Variants in TMEM185B observed in about 807,000 individuals in gnomAD.
TMEM185B encodes the protein ee3_2.
Under a neutral mutation model 26.2 loss-of-function variants are expected in TMEM185B, and 9 were observed. The ratio of observed to expected loss-of-function variants is 0.34; its 90% CI spans 0.21 to 0.60. The LOEUF is 0.60. Among genes scored for constraint, TMEM185B ranks in the 20% least tolerant of loss-of-function variants. The probability of loss-of-function intolerance (pLI) is 0.80; values close to 1 mark genes in which losing one functional copy is unlikely to be tolerated. For missense variants in TMEM185B, 392 were observed against 447.9 expected, an observed-to-expected ratio of 0.88 and a Z score of 1.13; for synonymous variants, 204 against 191.8, an observed-to-expected ratio of 1.06 and a Z score of -0.52.
In TMEM185B at chr2:120,221,756, C is replaced by T. The variant is rs1258271320; in HGVS notation, c.*168G>A. ...TTACCCAGGTACACATCACACACAC[C>T]CACATACTGAAACCACCTCCATCTA... On this transcript the variant is annotated 3_prime_UTR_variant, in exon 1 of 1. Transcript: ENST00000426077. 2 of 638,634 alleles carry T rather than the reference C, an allele frequency of 3.1e-6. No homozygotes were observed. The highest frequency in any genetic ancestry group is 6.1e-5 in the Admixed American group (2 of 32,568). 39.6% of individuals were successfully genotyped at this position (638,634 alleles called of 1,614,324 possible).
In TMEM185B at chr2:120,221,707, G is replaced by C. The variant is rs1402035717; in HGVS notation, c.*217C>G. The stretch of plus-strand genomic sequence containing the variant: ...TTACTGCCCCCAGCTACACCTGAAA[G>C]TGCGAACCTGGAAAGCAAGTCTCTT... On this transcript the variant is annotated 3_prime_UTR_variant, in exon 1 of 1. Coordinates refer to ENST00000426077, the MANE Select transcript of TMEM185B (RefSeq NM_024121.3). 3.6e-6 allele frequency: 2 copies of C among 550,504 alleles called. No homozygotes were observed. Among genetic ancestry groups the C allele is most frequent in the African/African-American group, 1.9e-5 (1 of 52,860 alleles). 34.1% of individuals were successfully genotyped at this position (550,504 alleles called of 1,614,324 possible).
At position 120,220,597 on chromosome 2, in the gene TMEM185B, G is replaced by A. The variant is rs1319755501; in HGVS notation, c.*1327C>T. Among the ~76,000 whole-genome samples the A allele has an allele frequency of 6.6e-6, 1 of 152,200 alleles. No homozygotes were observed. The highest frequency in any genetic ancestry group is 3.2e-3 in the Middle Eastern group (1 of 316). On this transcript the variant is annotated 3_prime_UTR_variant, in exon 1 of 1. Transcript: ENST00000426077. ...AATACGAAATTAGCCAGGCGTGGTGGTGCATGCCTGTAATCCCAGCTACTC... is the reference window on the plus strand; with the variant it reads ...AATACGAAATTAGCCAGGCGTGGTGATGCATGCCTGTAATCCCAGCTACTC...
chr2:120,223,033 C>T lies in TMEM185B; in HGVS notation c.-57G>A. ...GCTCCCTCGCGACGCTCGGCGCTCG[C>T]GTCTCCGCGGCTTCTCCGGCCGCCG... On this transcript the variant is annotated 5_prime_UTR_variant, in exon 1 of 1. Transcript: ENST00000426077. 7.8e-7 allele frequency: 1 copy of T among 1,276,336 alleles called. No homozygotes were observed. The highest frequency in any genetic ancestry group is 1.6e-5 in the African/African-American group (1 of 64,364). 79.1% of individuals were successfully genotyped at this position (1,276,336 alleles called of 1,614,324 possible). A position where few individuals can be genotyped will look rare whatever the true frequency, so the allele number is the denominator to read the frequency against.
Position 120,218,111 on chromosome 2 carries a change from T to A in TMEM185B, c.*3813A>T, listed in dbSNP as rs1688530776. Among the ~76,000 whole-genome samples the A allele has an allele frequency of 6.6e-6, 1 of 152,218 alleles. No homozygotes were observed. Among genetic ancestry groups the A allele is most frequent in the Non-Finnish European group, 1.5e-5 (1 of 68,038 alleles). ...TGGGAAAATCTTTTATCGAGTGAGT[T>A]CTGGCAGAGTCCTGCCCCCTCCTCC... is the stretch of plus-strand genomic sequence containing the variant. On this transcript the variant is annotated 3_prime_UTR_variant, in exon 1 of 1. Coordinates refer to ENST00000426077, the MANE Select transcript of TMEM185B (RefSeq NM_024121.3).
At position 120,222,318 on chromosome 2, in the gene TMEM185B, A is replaced by G. The variant is rs1490672742; in HGVS notation, c.659T>C (p.Ile220Thr). Residue 220 changes from isoleucine to threonine, a missense_variant, in exon 1 of 1, where the codon ATT becomes ACT. Physicochemically the swap from Ile to Thr is moderately conservative, Grantham distance 89. Around this residue, in one of 3 missense-constraint regions of TMEM185B, gnomAD observed 176 missense variants for 201.6 expected, o/e 0.87. Coordinates refer to ENST00000426077, the MANE Select transcript of TMEM185B (RefSeq NM_024121.3). ...CTCAAAAGTGAGCAGAGGCACGACA[A>G]TCGTTATCCAACTGATAGCCATGGT... is the stretch of plus-strand genomic sequence containing the variant. ...HVTMAISWIT[I>T]VVPLLTFEVL... 6 of 1,536,176 alleles carry G rather than the reference A, an allele frequency of 3.9e-6. No homozygotes were observed. Among genetic ancestry groups the G allele is most frequent in the Non-Finnish European group, 5.2e-6 (6 of 1,146,924 alleles).
chr2:120,218,612 C>T lies in TMEM185B; in HGVS notation c.*3312G>A, dbSNP rs1688536956. On this transcript the variant is annotated 3_prime_UTR_variant, in exon 1 of 1. Coordinates refer to ENST00000426077, the MANE Select transcript of TMEM185B (RefSeq NM_024121.3). ...CGCCTTTCCAAAGCGCCTTGCATAGCCCTCCGGAGAAACTTTGGATTCCAG... is the reference window on the plus strand; with the variant it reads ...CGCCTTTCCAAAGCGCCTTGCATAGTCCTCCGGAGAAACTTTGGATTCCAG... Among the ~76,000 whole-genome samples the T allele has an allele frequency of 6.6e-6, 1 of 152,230 alleles. No individual in the cohort carries two copies. Among genetic ancestry groups the T allele is most frequent in the South Asian group, 2.1e-4 (1 of 4,834 alleles).
rs552728441 is a variant in TMEM185B at position 120,217,538 on chromosome 2, TA to T, written c.*4385del. 2.1e-3 allele frequency among the ~76,000 whole-genome samples: 313 copies of T among 152,332 alleles called. 1 individual carries two copies. The highest frequency in any genetic ancestry group is 6.5e-3 in the African/African-American group (271 of 41,578). ...ACTATACATCCATTACATGTTACCT[TA>T]AAAAAATTTTTAAACCTATATTTTC... On this transcript the variant is annotated 3_prime_UTR_variant, in exon 1 of 1. Coordinates refer to ENST00000426077, the MANE Select transcript of TMEM185B (RefSeq NM_024121.3).
In TMEM185B at chr2:120,218,930, G is replaced by A. The variant is rs368523224; in HGVS notation, c.*2994C>T. On this transcript the variant is annotated 3_prime_UTR_variant, in exon 1 of 1. Coordinates refer to ENST00000426077, the MANE Select transcript of TMEM185B (RefSeq NM_024121.3). ...TGGCCATGCACTGCCTCACCCCACA[G>A]AGGTCAGGCATGGCCATGTGTTGTG... 5.6e-4 allele frequency among the ~76,000 whole-genome samples: 86 copies of A among 152,350 alleles called. No individual in the cohort carries two copies. Among genetic ancestry groups the A allele is most frequent in the African/African-American group, 2.0e-3 (82 of 41,582 alleles).
rs1688589277 is a variant in TMEM185B, at chr2:120,221,723, C to T, written c.*201G>A. On this transcript the variant is annotated 3_prime_UTR_variant, in exon 1 of 1. Transcript: ENST00000426077. The stretch of plus-strand genomic sequence containing the variant: ...CACCTGAAAGTGCGAACCTGGAAAG[C>T]AAGTCTCTTACCCAGGTACACATCA... The T allele has an allele frequency of 1.8e-6, 1 of 561,488 alleles. No individual in the cohort carries two copies. Among genetic ancestry groups the T allele is most frequent in the Non-Finnish European group, 3.1e-6 (1 of 323,066 alleles). 34.8% of individuals were successfully genotyped at this position (561,488 alleles called of 1,614,324 possible). A position where few individuals can be genotyped will look rare whatever the true frequency, so the allele number is the denominator to read the frequency against.
rs1290424729 is a variant in TMEM185B at position 120,221,837 on chromosome 2, G to C, written c.*87C>G. ...ACACGGCGTGAGACGAGTGTTTGAA[G>C]CCTGTTTCCATTTCCAGGTTTGGGA... is the stretch of plus-strand genomic sequence containing the variant. On this transcript the variant is annotated 3_prime_UTR_variant, in exon 1 of 1. Coordinates refer to ENST00000426077, the MANE Select transcript of TMEM185B (RefSeq NM_024121.3). 9.1e-7 allele frequency: 1 copy of C among 1,103,622 alleles called. No individual in the cohort carries two copies. The highest frequency in any genetic ancestry group is 1.6e-5 in the African/African-American group (1 of 63,020). 68.4% of individuals were successfully genotyped at this position (1,103,622 alleles called of 1,614,324 possible).
rs546879105 is a variant in TMEM185B at position 120,222,692 on chromosome 2, G to A, written c.285C>T (p.Leu95=). The A allele has an allele frequency of 2.5e-5, 39 of 1,536,578 alleles. No individual in the cohort carries two copies. In the African/African-American group the frequency reaches 3.3e-4, roughly 13 times the overall value. The change falls in exon 1 of 1, where the codon CTC becomes CTT. Residue 95 remains leucine, a synonymous_variant. Coordinates refer to ENST00000426077, the MANE Select transcript of TMEM185B (RefSeq NM_024121.3). ...TGTCGCAGACCAGGACTTCGAACAT[G>A]AGCAGCAGCAGGTGGATGCCCACAG... ...LIAVGIHLLL[L]MFEVLVCDRV... is the part of the protein sequence containing the mutation.
Position 120,221,700 on chromosome 2 carries a change from C to T in TMEM185B, c.*224G>A. 1 of 544,724 alleles carries T rather than the reference C, an allele frequency of 1.8e-6. No homozygotes were observed. Among genetic ancestry groups the T allele is most frequent in the Non-Finnish European group, 3.2e-6 (1 of 310,866 alleles). The allele number at this position is 544,724 out of a possible 1,614,324, so 33.7% of individuals were successfully genotyped here. A position where few individuals can be genotyped will look rare whatever the true frequency, so the allele number is the denominator to read the frequency against. On this transcript the variant is annotated 3_prime_UTR_variant, in exon 1 of 1. Transcript: ENST00000426077. Reference sequence around the variant, plus strand: ...ATTCGACTTACTGCCCCCAGCTACACCTGAAAGTGCGAACCTGGAAAGCAA... The same window carrying T: ...ATTCGACTTACTGCCCCCAGCTACATCTGAAAGTGCGAACCTGGAAAGCAA...
In TMEM185B at chr2:120,222,655, C is replaced by T. The variant is rs1688608944; in HGVS notation, c.322G>A (p.Gly108Ser). 6.5e-7 allele frequency: 1 copy of T among 1,536,334 alleles called. No individual in the cohort carries two copies. Among genetic ancestry groups the T allele is most frequent in the South Asian group, 1.2e-5 (1 of 84,064 alleles). ...EVLVCDRVER[G>S]THFWLLVFMP... ...AAGACCAGCAGCCAGAAGTGGGTGC[C>T]CCTCTCCACCCTGTCGCAGACCAGG... Residue 108 changes from glycine to serine, a missense_variant, in exon 1 of 1, where the codon GGC becomes AGC. Physicochemically the swap from Gly to Ser is moderately conservative, Grantham distance 56. This residue lies in a region of TMEM185B where 175 missense variants were observed against 169.1 expected (regional missense o/e 1.03). Coordinates refer to ENST00000426077, the MANE Select transcript of TMEM185B (RefSeq NM_024121.3).
Position 120,222,438 on chromosome 2 carries a change from G to T in TMEM185B, c.539C>A (p.Ser180Ter). ...ATAGAGGACGACCAGGCAAAGGAAC[G>T]ACATGAGGATCCACAGGGGCACAAA... is the stretch of plus-strand genomic sequence containing the variant. ...VVFVPLWILM[S>*]FLCLVVLYYI... The change falls in exon 1 of 1, where the codon TCG becomes TAG. Residue 180 changes from serine (S) to a stop codon, truncating the protein, a stop_gained. Transcript: ENST00000426077. LOFTEE classifies it high-confidence loss of function. 6.5e-7 allele frequency: 1 copy of T among 1,536,162 alleles called. No individual in the cohort carries two copies. Among genetic ancestry groups the T allele is most frequent in the Non-Finnish European group, 8.7e-7 (1 of 1,146,912 alleles).
chr2:120,217,735 C>G lies in TMEM185B; in HGVS notation c.*4189G>C, dbSNP rs1430490849. On this transcript the variant is annotated 3_prime_UTR_variant, in exon 1 of 1. Transcript: ENST00000426077. ...CACGTGGGGTTGGGAAAGGAAGGAC[C>G]TTGAGGACCCTCAGGGGTCCTTGGA... 6.6e-6 allele frequency among the ~76,000 whole-genome samples: 1 copy of G among 152,142 alleles called. No homozygotes were observed. Among genetic ancestry groups the G allele is most frequent in the African/African-American group, 2.4e-5 (1 of 41,404 alleles).
In TMEM185B at chr2:120,220,023, C is replaced by A. The variant is rs530007945; in HGVS notation, c.*1901G>T. 6.6e-6 allele frequency among the ~76,000 whole-genome samples: 1 copy of A among 152,224 alleles called. No homozygotes were observed. Among genetic ancestry groups the A allele is most frequent in the Non-Finnish European group, 1.5e-5 (1 of 68,038 alleles). ...AACTGCCAGTGTGAGAGAGACAGAG[C>A]GAGCTCCCTCAGACAGCGAGCTCAA... On this transcript the variant is annotated 3_prime_UTR_variant, in exon 1 of 1. Coordinates refer to ENST00000426077, the MANE Select transcript of TMEM185B (RefSeq NM_024121.3).
rs1262102757 is a variant in TMEM185B, at chr2:120,222,223, G to A, written c.754C>T (p.Leu252Phe). 2 of 1,538,072 alleles carry A rather than the reference G, an allele frequency of 1.3e-6. No homozygotes were observed. Among genetic ancestry groups the A allele is most frequent in the Admixed American group, 3.9e-5 (2 of 51,090 alleles). The part of the protein sequence containing the change: ...SYVSIFVPLW[L>F]SLLTLMATTF... ...GTGGCCATTAAAGTTAGTAAGGAAA[G>A]CCAAAGGGGGACAAATATGGAGACG... Residue 252 changes from leucine to phenylalanine, a missense_variant, in exon 1 of 1, where the codon CTT becomes TTT. By Grantham distance (22) the Leu-to-Phe change is conservative. Coordinates refer to ENST00000426077, the MANE Select transcript of TMEM185B (RefSeq NM_024121.3).
Position 120,217,700 on chromosome 2 carries a change from T to A in TMEM185B, c.*4224A>T, listed in dbSNP as rs1214812548. Among the ~76,000 whole-genome samples the A allele has an allele frequency of 6.6e-6, 1 of 152,166 alleles. No individual in the cohort carries two copies. Among genetic ancestry groups the A allele is most frequent in the Admixed American group, 6.5e-5 (1 of 15,278 alleles). ...GTCTGTTGCAGTATGGTATCCTGAC[T>A]GAAGAAAACCACGTGGGGTTGGGAA... On this transcript the variant is annotated 3_prime_UTR_variant, in exon 1 of 1. Coordinates refer to ENST00000426077, the MANE Select transcript of TMEM185B (RefSeq NM_024121.3).
In TMEM185B at chr2:120,222,611, C is replaced by G. The variant is rs1279507899; in HGVS notation, c.366G>C (p.Val122=). The change falls in exon 1 of 1, where the codon GTG becomes GTC. Residue 122 remains valine (V), a synonymous_variant. Coordinates refer to ENST00000426077, the MANE Select transcript of TMEM185B (RefSeq NM_024121.3). ...CGCAGGCAGCCACGGACACGGGGGA[C>G]ACGAAGAAGAGAGGCATGAAGACCA... The part of the protein sequence containing the change: ...WLLVFMPLFF[V]SPVSVAACVW... 6.5e-7 allele frequency: 1 copy of G among 1,536,442 alleles called. No individual in the cohort carries two copies. Among genetic ancestry groups the G allele is most frequent in the South Asian group, 1.2e-5 (1 of 84,064 alleles).
Sources: allele counts gnomAD v4.1 joint callset (sites outside exome capture counted in the v4.1 genomes callset), GRCh38; gene constraint gnomAD v4.1.1; regional missense constraint gnomAD v4.1.1; transcripts MANE v1.5; gene names NCBI Gene and HGNC (gene_info 2026-07-23, HGNC 2026-07-21).